SF3B1: variants seen among roughly 807,000 people sequenced by gnomAD.
SF3B1 encodes the protein pre-mRNA processing 10.
In SF3B1, 12 loss-of-function variants were observed where a neutral mutation model predicts 153.8. That is an observed-to-expected ratio of 0.08 (90% CI 0.05 to 0.13). The LOEUF is 0.13. SF3B1 is among the 10% of genes least tolerant of loss of function. The pLI, the probability that SF3B1 is intolerant of heterozygous loss-of-function variation, is 1.00. For missense variants in SF3B1, 513 were observed against 1,606.1 expected, an observed-to-expected ratio of 0.32 and a Z score of 11.63; for synonymous variants, 498 against 525.2, an observed-to-expected ratio of 0.95 and a Z score of 0.71.
chr2:197,391,242 A>C lies in SF3B1; in HGVS notation c.*1061T>G, dbSNP rs562365519. ...TTATGCTGAACTCTTAGATCAACTT[A>C]TTATTACTGAATACAAAGCTAAGCA... On this transcript the variant is annotated 3_prime_UTR_variant, in exon 25 of 25. Transcript: ENST00000335508. 3 of 152,322 alleles carry C rather than the reference A, an allele frequency of 2.0e-5. No homozygotes were observed. In the East Asian group the frequency reaches 5.8e-4, roughly 29 times the overall value. 9.4% of individuals were successfully genotyped at this position (152,322 alleles called of 1,614,324 possible).
At chr2:197,419,877 T>A (rs1308288666) in intron 4 of SF3B1, 2 of 225,078 alleles carry the variant, frequency 8.9e-6, no homozygotes, top group Admixed American at 1.1e-4. Context: ...ATGCCCCTTG[T>A]GCTGACTTGC....
intron 9 of SF3B1, among the ~76,000 whole-genome samples, chr2:197,406,407 G>A (rs1217063671): frequency 6.6e-6 from 1 of 151,972 alleles, no homozygotes; most frequent in South Asian, 2.1e-4. Context: ...GATATTTTTT[G>A]TTGCTAGTTA....
chr2:197,397,464 AG>A (rs947655190), intron 22 of SF3B1, among the ~76,000 whole-genome samples: 2 of 152,210 alleles, frequency 1.3e-5, no homozygotes, highest in African/African-American at 4.8e-5. Context: ...GTGTAATTAA[AG>A]TAAGTCTTAA....
chr2:197,405,372 T>G lies in SF3B1; in HGVS notation c.1340A>C (p.Gln447Pro). Reference protein sequence around the residue: ...PLGGMTGFHMQTEDRTMKSVN... With the variant: ...PLGGMTGFHMPTEDRTMKSVN... ...ACTTTTCATAGTTCGATCTTCAGTT[T>G]GCATGTGGAAACCAGTCATACCACC... Residue 447 changes from glutamine to proline, a missense_variant, in exon 10 of 25, where the codon CAA (glutamine) becomes CCA (proline). Coordinates refer to ENST00000335508, the MANE Select transcript of SF3B1 (RefSeq NM_012433.4). 1 of 1,614,090 alleles carries G rather than the reference T, an allele frequency of 6.2e-7. No homozygotes were observed. The highest frequency in any genetic ancestry group is 1.1e-5 in the South Asian group (1 of 91,074).
intron 23 of SF3B1, among the ~76,000 whole-genome samples, chr2:197,394,137 T>C (rs1658207218): frequency 6.6e-6 from 1 of 152,080 alleles, no homozygotes; most frequent in Admixed American, 6.5e-5. Context: ...TGAGTCGAGA[T>C]TGTGCCACTG....
chr2:197,431,104 C>CT lies in SF3B1; in HGVS notation c.28+3867dup, dbSNP rs558644461. On this transcript the variant is annotated intron_variant, in intron 1 of 24. Transcript: ENST00000335508. ...GATTTCCCCTCCTGTGCCTTTTCTT[C>CT]TTTTTTTTTTTTTTTTTTTTTTTTT... Among the ~76,000 whole-genome samples the CT allele has an allele frequency of 6.1e-3, 447 of 73,716 alleles. 27 individuals are homozygous for CT. Among genetic ancestry groups the CT allele is most frequent in the South Asian group, 0.03 (50 of 1,666 alleles). 48.4% of individuals were successfully genotyped at this position (73,716 alleles called of 152,430 possible). A position where few individuals can be genotyped will look rare whatever the true frequency, so the allele number is the denominator to read the frequency against.
At chr2:197,428,757 G>A (rs1356013423) in intron 1 of SF3B1, among the ~76,000 whole-genome samples, 1 of 152,004 alleles carries the variant, frequency 6.6e-6, no homozygotes, top group Non-Finnish European at 1.5e-5. Flanking sequence ...AGCCAGACAT[G>A]GTGGTGGCAC....
At position 197,432,773 on chromosome 2, in the gene SF3B1, G is replaced by A. The variant is rs559030237; in HGVS notation, c.28+2199C>T. ...TACTAGTACTCAGGAGGCTGAAGCA[G>A]GACAATCGCTTGAACCTAAAAGGCG... On this transcript the variant is annotated intron_variant, in intron 1 of 24. Transcript: ENST00000335508. 9.2e-4 allele frequency among the ~76,000 whole-genome samples: 140 copies of A among 152,218 alleles called. 1 individual carries two copies. The highest frequency in any genetic ancestry group is 3.2e-3 in the African/African-American group (133 of 41,526).
intron 2 of SF3B1, among the ~76,000 whole-genome samples, chr2:197,423,191 A>G (rs2085275982): frequency 6.6e-6 from 1 of 152,108 alleles, no homozygotes; most frequent in African/African-American, 2.4e-5. Context: ...GTTCCAGACC[A>G]GCCTGGCCAA....
chr2:197,414,839 A>T (rs1176269796), intron 6 of SF3B1, among the ~76,000 whole-genome samples: 1 of 152,084 alleles, frequency 6.6e-6, no homozygotes, highest in Non-Finnish European at 1.5e-5. Flanking sequence ...ACCCGTTTCT[A>T]CAAAAAAATA....
intron 7 of SF3B1, 112 bp downstream of exon 7, chr2:197,409,657 CA>C (rs1042605127): frequency 4.1e-5 from 35 of 843,768 alleles, no homozygotes; most frequent in Non-Finnish European, 1.4e-5. Context: ...ATCTGTCCCC[CA>C]AAAGCAGCTG....
chr2:197,411,822 G>A (rs1394150494), intron 6 of SF3B1, among the ~76,000 whole-genome samples: 1 of 152,110 alleles, frequency 6.6e-6, no homozygotes, highest in Non-Finnish European at 1.5e-5. Context: ...TCAGGGCTGG[G>A]CATGGTGGTT....
chr2:197,419,665 CAGTT>C, intron 4 of SF3B1: 1 of 223,748 alleles, frequency 4.5e-6, no homozygotes, highest in Non-Finnish European at 8.9e-6. Flanking sequence ...AAATTAAGGA[CAGTT>C]AGTATGGGCC....
intron 1 of SF3B1, among the ~76,000 whole-genome samples, chr2:197,431,744 A>G (rs1314488701): frequency 6.6e-6 from 1 of 152,204 alleles, no homozygotes; most frequent in East Asian, 1.9e-4. Flanking sequence ...CAAAACTCCA[A>G]TAGGACAACT....
At position 197,401,376 on chromosome 2, in the gene SF3B1, T is replaced by C; in HGVS notation, c.2496+24A>G. 6.3e-7 allele frequency: 1 copy of C among 1,578,928 alleles called. No homozygotes were observed. ...AATGAGTTGAAAGGACTTTTGAGAATATTCTTTTACAATAAAAGCTTACCT... is the reference window on the plus strand; with the variant it reads ...AATGAGTTGAAAGGACTTTTGAGAACATTCTTTTACAATAAAAGCTTACCT... On this transcript the variant is annotated intron_variant, in intron 17 of 24. Coordinates refer to ENST00000335508, the MANE Select transcript of SF3B1 (RefSeq NM_012433.4). This position sits in a 1 kb window ranked among gnomAD's most constrained non-coding sequence, Gnocchi z 4.2.
intron 4 of SF3B1, 114 bp from the exon 5 acceptor site, chr2:197,418,702 AT>A: frequency 2.1e-6 from 3 of 1,453,156 alleles, no homozygotes; most frequent in Non-Finnish European, 2.7e-6. Context: ...CATTTAAATT[AT>A]TTTTTGATGG....
intron 3 of SF3B1, 46 bp from the exon 4 acceptor site, chr2:197,420,588 C>CA (rs1358877277): frequency 7.8e-7 from 1 of 1,288,592 alleles, no homozygotes; most frequent in Non-Finnish European, 1.1e-6. Flanking sequence ...ATTAAAATAA[C>CA]AAAACAGAAT....
At chr2:197,416,947 T>C in intron 5 of SF3B1, 36 bp from the exon 6 acceptor site, 1 of 1,578,060 alleles carries the variant, frequency 6.3e-7, no homozygotes, top group Non-Finnish European at 8.7e-7. Context: ...TTTAAAATGC[T>C]TTCAATGTAT....
At chr2:197,403,438 C>T in intron 12 of SF3B1, 147 bp downstream of exon 12, 1 of 501,372 alleles carries the variant, frequency 2.0e-6, no homozygotes, top group East Asian at 3.3e-5. Context: ...AAACTAACAT[C>T]TGTACATCTG....
Sources: gnomAD v4.1 joint callset for allele counts (sites outside exome capture counted in the v4.1 genomes callset) on GRCh38, gnomAD v4.1.1 for gene constraint, Gnocchi (gnomAD v3.1) non-coding constraint, MANE v1.5 for transcripts, NCBI Gene and HGNC (gene_info 2026-07-23, HGNC 2026-07-21) for gene names.